Variants in BEND6 observed in about 807,000 individuals in gnomAD.
BEND6 encodes BEN domain-containing protein 6.
BEND6 carries 24 observed loss-of-function variants against 31.8 expected under a neutral mutation model. The ratio of observed to expected loss-of-function variants is 0.75; its 90% confidence interval spans 0.55 to 1.06. The LOEUF is 1.06. BEND6 is among the 50% of genes least tolerant of loss of function. The pLI, the probability that BEND6 is intolerant of heterozygous loss-of-function variation, is 0.00. For synonymous variants in BEND6, 109 were observed against 114.6 expected (o/e 0.95, Z 0.31); for missense variants, 294 against 327.4 (o/e 0.90, Z 0.79).
intron 3 of BEND6, among the ~76,000 whole-genome samples, chr6:57,014,832 A>G (rs1007824337): frequency 1.1e-4 from 17 of 152,232 alleles, no homozygotes; most frequent in Admixed American, 2.6e-4. Flanking sequence ...ACCCCTAGCA[A>G]CTAGAAAAAA....
chr6:57,023,290 A>G (rs1827806783), intron 6 of BEND6, among the ~76,000 whole-genome samples: 1 of 152,220 alleles, frequency 6.6e-6, no homozygotes, highest in African/African-American at 2.4e-5. Context: ...TTTGCTTTAT[A>G]TACTTGGGAG....
chr6:57,014,797 A>T (rs903335870), intron 3 of BEND6, among the ~76,000 whole-genome samples: 1 of 152,206 alleles, frequency 6.6e-6, no homozygotes, highest in East Asian at 1.9e-4. Context: ...CAAACAAGAG[A>T]TTCAACTCAA....
chr6:56,989,630 T>A (rs1826417276), intron 2 of BEND6, among the ~76,000 whole-genome samples: 1 of 152,232 alleles, frequency 6.6e-6, no homozygotes, highest in African/African-American at 2.4e-5. Flanking sequence ...TCAAGCCCAT[T>A]CATATTTTTG....
intron 1 of BEND6, among the ~76,000 whole-genome samples, chr6:56,964,837 G>A (rs1359056454): frequency 1.3e-5 from 2 of 152,140 alleles, no homozygotes; most frequent in Non-Finnish European, 2.9e-5. Context: ...ACGTTAGGTT[G>A]CATACTTTGA....
At chr6:56,972,086 C>CTTTTTTTTTTTTT (rs35524907) in intron 1 of BEND6, among the ~76,000 whole-genome samples, 6 of 62,530 alleles carry the variant, frequency 9.6e-5, no homozygotes, top group African/African-American at 1.3e-4. Flanking sequence ...ACTTTACTTT[C>CTTTTTTTTTTTTT]TTTTTTTTTT....
intron 3 of BEND6, among the ~76,000 whole-genome samples, chr6:57,002,714 G>T (rs946713947): frequency 2.6e-5 from 4 of 151,900 alleles, no homozygotes; most frequent in Non-Finnish European, 5.9e-5. Context: ...AGCAAAACTA[G>T]TGTTAAGAGA....
intron 6 of BEND6, among the ~76,000 whole-genome samples, chr6:57,022,944 A>G (rs1462863019): frequency 1.3e-5 from 2 of 152,168 alleles, no homozygotes; most frequent in Non-Finnish European, 2.9e-5. Flanking sequence ...TGAGACCCTC[A>G]GGTTATCAGT....
At chr6:56,993,498 T>G (rs1270652956) in intron 3 of BEND6, among the ~76,000 whole-genome samples, 1 of 152,158 alleles carries the variant, frequency 6.6e-6, no homozygotes, top group East Asian at 1.9e-4. Context: ...GGGTTCACAA[T>G]GCATTTGGAG....
chr6:56,976,735 T>C (rs1037743654), intron 1 of BEND6, among the ~76,000 whole-genome samples: 4 of 152,288 alleles, frequency 2.6e-5, no homozygotes, highest in African/African-American at 9.6e-5. Context: ...TGGCTAATTT[T>C]TGTATTTTTA....
In BEND6 at chr6:57,010,629, A is replaced by G. The variant is rs376397715; in HGVS notation, c.299-4504A>G. ...GGGTATAAGTGGATTGAGACTTGCCATGAATTGAAATGGGAGAATTTGCTA... is the reference window on the plus strand; with the variant it reads ...GGGTATAAGTGGATTGAGACTTGCCGTGAATTGAAATGGGAGAATTTGCTA... On this transcript the variant is annotated intron_variant, in intron 3 of 6. Transcript: ENST00000370746. 5.5e-6 allele frequency: 5 copies of G among 913,776 alleles called. No individual in the cohort carries two copies. The East Asian group carries it at 3.5e-4, about 65-fold the overall frequency. 56.6% of individuals were successfully genotyped at this position (913,776 alleles called of 1,614,324 possible). A position where few individuals can be genotyped will look rare whatever the true frequency, so the allele number is the denominator to read the frequency against.
At chr6:56,976,057 T>C in intron 1 of BEND6, 1 of 388,862 alleles carries the variant, frequency 2.6e-6, no homozygotes, top group African/African-American at 2.1e-5. Context: ...CGATACAAAG[T>C]CTCCATGTTG....
intron 3 of BEND6, among the ~76,000 whole-genome samples, chr6:57,004,047 T>C (rs186284836): frequency 2.0e-5 from 3 of 152,136 alleles, no homozygotes; most frequent in Non-Finnish European, 4.4e-5. Flanking sequence ...ATGAGCCACC[T>C]ATGACAAACC....
intron 1 of BEND6, among the ~76,000 whole-genome samples, chr6:56,965,047 T>A (rs2127839905): frequency 6.6e-6 from 1 of 152,350 alleles, no homozygotes; most frequent in Non-Finnish European, 1.5e-5. Flanking sequence ...GAAGATGGCC[T>A]TTTACATTCC....
intron 1 of BEND6, among the ~76,000 whole-genome samples, chr6:56,961,730 A>G (rs1825293535): frequency 6.6e-6 from 1 of 152,206 alleles, no homozygotes; most frequent in Non-Finnish European, 1.5e-5. Flanking sequence ...GAAACAACTC[A>G]CAGACATTCT....
chr6:57,004,893 G>C (rs1827097422), intron 3 of BEND6: 2 of 594,176 alleles, frequency 3.4e-6, no homozygotes, highest in Admixed American at 2.5e-5. Flanking sequence ...TGTGCCAGTA[G>C]TCCCAGCTAC....
At chr6:56,962,675 A>T (rs1337100496) in intron 1 of BEND6, among the ~76,000 whole-genome samples, 1 of 152,138 alleles carries the variant, frequency 6.6e-6, no homozygotes, top group Non-Finnish European at 1.5e-5. Flanking sequence ...CTTAGAGAAG[A>T]TATTGCAGGA....
chr6:56,984,610 A>G (rs887979459), intron 2 of BEND6, among the ~76,000 whole-genome samples: 2 of 152,220 alleles, frequency 1.3e-5, no homozygotes, highest in African/African-American at 4.8e-5. Context: ...CAAGAACTTA[A>G]TAGCTTTCTA....
At position 57,027,081 on chromosome 6, in the gene BEND6, A is replaced by C. The variant is rs1485574987; in HGVS notation, c.*1009A>C. The C allele has an allele frequency of 1.3e-5, 2 of 152,246 alleles. No homozygotes were observed. The highest frequency in any genetic ancestry group is 3.8e-4 in the East Asian group (2 of 5,204). 9.4% of individuals were successfully genotyped at this position (152,246 alleles called of 1,614,324 possible). A position where few individuals can be genotyped will look rare whatever the true frequency, so the allele number is the denominator to read the frequency against. ...CAAAAGATAAAACATTCTTCATCAA[A>C]AGGCTTCTCGCTTGGTGTCAGGTTG... On this transcript the variant is annotated 3_prime_UTR_variant, in exon 7 of 7. Transcript: ENST00000370746.
intron 3 of BEND6, among the ~76,000 whole-genome samples, chr6:56,999,065 T>C (rs935993531): frequency 6.6e-6 from 1 of 152,186 alleles, no homozygotes; most frequent in Non-Finnish European, 1.5e-5. Context: ...CAGGCAGGTG[T>C]CCAGGCATTA....
Sources: gnomAD v4.1 joint callset for allele counts (sites outside exome capture counted in the v4.1 genomes callset) on GRCh38, gnomAD v4.1.1 for gene constraint, MANE v1.5 for transcripts, NCBI Gene and HGNC (gene_info 2026-07-23, HGNC 2026-07-21) for gene names.